Variants in ANO1 observed in about 807,000 individuals in gnomAD.
ANO1 encodes anoctamin 1.
In ANO1, 59 loss-of-function variants were observed where a neutral mutation model predicts 124.0. That is an observed-to-expected ratio of 0.48 (90% CI 0.39 to 0.59). The LOEUF (loss-of-function observed/expected upper bound fraction) is 0.59. ANO1 is among the 20% of genes least tolerant of loss of function. The pLI, the probability that ANO1 is intolerant of heterozygous loss-of-function variation, is 0.00. For missense variants in ANO1, 1,059 were observed against 1,328.0 expected (o/e 0.80, Z 3.15); for synonymous variants, 529 against 532.0 (o/e 0.99, Z 0.08).
At chr11:70,093,380 T>C (rs1247765280) in intron 2 of ANO1, among the ~76,000 whole-genome samples, 1 of 104,170 alleles carries the variant, frequency 9.6e-6, no homozygotes, top group Non-Finnish European at 2.0e-5. Flanking sequence ...AGGGTTCCCA[T>C]TAAAGGGACT....
chr11:70,107,480 C>A, intron 5 of ANO1, among the ~76,000 whole-genome samples: 1 of 55,046 alleles, frequency 1.8e-5, no homozygotes, highest in African/African-American at 8.0e-5. Context: ...ACAGGTGGGT[C>A]CAGTGGAGGC....
intron 1 of ANO1, among the ~76,000 whole-genome samples, 155 bp downstream of exon 1, chr11:70,078,869 C>G (rs1411530152): frequency 5.3e-5 from 8 of 149,984 alleles, no homozygotes; most frequent in East Asian, 2.0e-4. Flanking sequence ...ACGTGCGTGC[C>G]GGGAAGGGCG....
At chr11:70,185,788 C>T in intron 25 of ANO1, 93 bp downstream of exon 25, 2 of 1,396,260 alleles carry the variant, frequency 1.4e-6, no homozygotes, top group Non-Finnish European at 2.0e-6. Context: ...GCTGCTAAAG[C>T]CAGGGGTTCA....
chr11:70,032,355 C>T (rs938109800), intron 1 of ANO1, among the ~76,000 whole-genome samples: 2 of 152,086 alleles, frequency 1.3e-5, no homozygotes, highest in Non-Finnish European at 2.9e-5. Flanking sequence ...CGGGGAGAGG[C>T]GGGTGCAGGC....
intron 1 of ANO1, among the ~76,000 whole-genome samples, chr11:70,006,945 CG>C (rs1856503771): frequency 6.6e-6 from 1 of 152,032 alleles, no homozygotes; most frequent in South Asian, 2.1e-4. Flanking sequence ...GCTGGGATGA[CG>C]GGGGTGAGCC....
chr11:70,005,862 A>G (rs1290621247), intron 1 of ANO1, among the ~76,000 whole-genome samples: 1 of 152,198 alleles, frequency 6.6e-6, no homozygotes, highest in Non-Finnish European at 1.5e-5. Context: ...GATCATTTTT[A>G]GTAGTAATTA....
At chr11:70,134,089 C>T (rs7936047) in intron 11 of ANO1, among the ~76,000 whole-genome samples, 3,550 of 152,284 alleles carry the variant, frequency 0.023, 51 homozygotes, top group Middle Eastern at 0.034. Context: ...TGGGCAGCTC[C>T]GTGTCCTTAG....
chr11:69,976,903 C>T, the ANO1 span, among the ~76,000 whole-genome samples: 2 of 152,258 alleles, frequency 1.3e-5, no homozygotes, highest in South Asian at 2.1e-4. Context: ...TTGCCGGGTC[C>T]CTGGCAGGGG....
chr11:70,028,531 T>C (rs1856948292), intron 1 of ANO1, among the ~76,000 whole-genome samples: 1 of 151,968 alleles, frequency 6.6e-6, no homozygotes, highest in African/African-American at 2.4e-5. Flanking sequence ...TGATGGTCTC[T>C]CCTGGACAGA....
chr11:70,056,021 C>T (rs1381468302), intron 1 of ANO1, among the ~76,000 whole-genome samples: 1 of 151,294 alleles, frequency 6.6e-6, no homozygotes, highest in Non-Finnish European at 1.5e-5. Context: ...ATATTACTTA[C>T]ATTTAATCCC....
At chr11:70,007,290 T>G (rs980390407) in intron 1 of ANO1, among the ~76,000 whole-genome samples, 3 of 148,254 alleles carry the variant, frequency 2.0e-5, no homozygotes, top group African/African-American at 5.2e-5. Context: ...TTTTTTTTTT[T>G]TCTTGAGACA....
chr11:70,120,682 A>G (rs2046224410), intron 8 of ANO1, among the ~76,000 whole-genome samples: 1 of 152,186 alleles, frequency 6.6e-6, no homozygotes. Context: ...TCTCCATTCT[A>G]GAGGGAAGGG....
At chr11:70,052,081 G>A (rs1555006305) in intron 1 of ANO1, among the ~76,000 whole-genome samples, 3 of 152,140 alleles carry the variant, frequency 2.0e-5, no homozygotes, top group African/African-American at 7.2e-5. Context: ...TTCTCCCTAT[G>A]ACTCTCCACA....
chr11:70,024,459 G>A (rs1330316900), intron 1 of ANO1, among the ~76,000 whole-genome samples: 1 of 152,238 alleles, frequency 6.6e-6, no homozygotes, highest in Non-Finnish European at 1.5e-5. Context: ...CCCCTGCAGA[G>A]AATAGCTCTT....
intron 1 of ANO1, among the ~76,000 whole-genome samples, chr11:70,005,769 T>C (rs868918565): frequency 2.6e-5 from 4 of 152,124 alleles, no homozygotes; most frequent in Non-Finnish European, 4.4e-5. Flanking sequence ...GCCTTTAAAG[T>C]GTCTCTCCAT....
chr11:70,159,734 C>G (rs953243891), intron 16 of ANO1, among the ~76,000 whole-genome samples: 3 of 152,214 alleles, frequency 2.0e-5, no homozygotes, highest in Non-Finnish European at 2.9e-5. Flanking sequence ...CGCTGAGTCA[C>G]CCACAGGCCT....
At chr11:70,131,281 C>G (rs1370449532) in intron 10 of ANO1, among the ~76,000 whole-genome samples, 1 of 151,838 alleles carries the variant, frequency 6.6e-6, no homozygotes, top group African/African-American at 2.4e-5. Context: ...GAAGAAAATG[C>G]AGGTCTTTAG....
intron 1 of ANO1, among the ~76,000 whole-genome samples, chr11:70,013,050 T>C (rs931852401): frequency 1.3e-5 from 2 of 152,242 alleles, no homozygotes; most frequent in Admixed American, 6.5e-5. Flanking sequence ...CAGAGGGATC[T>C]GACCCAATGT....
intron 1 of ANO1, among the ~76,000 whole-genome samples, chr11:70,003,011 A>T (rs946449037): frequency 7.0e-6 from 1 of 142,308 alleles, no homozygotes; most frequent in African/African-American, 2.6e-5. Flanking sequence ...GTCGAGGAAA[A>T]ATTTTTAACT....
Sources: allele counts gnomAD v4.1 joint callset (sites outside exome capture counted in the v4.1 genomes callset), GRCh38; gene constraint gnomAD v4.1.1; transcripts MANE v1.5; gene names NCBI Gene and HGNC (gene_info 2026-07-23, HGNC 2026-07-21).